Variants in CELF2 observed in about 807,000 individuals in gnomAD.
CELF2 encodes the protein CUG triplet repeat RNA-binding protein 2.
CELF2 carries 8 observed loss-of-function variants against 62.6 expected under a neutral mutation model. That is an observed-to-expected ratio of 0.13 (90% CI 0.07 to 0.23). CELF2 has a LOEUF of 0.23. Among genes scored for constraint, CELF2 ranks in the 10% least tolerant of loss-of-function variants. The pLI is 1.00. For missense variants in CELF2, 333 were observed against 671.0 expected, an observed-to-expected ratio of 0.50 and a Z score of 5.56; for synonymous variants, 258 against 250.0, an observed-to-expected ratio of 1.03 and a Z score of -0.30.
chr10:11,208,003 G>C (rs912738971), intron 2 of CELF2, among the ~76,000 whole-genome samples: 4 of 152,162 alleles, frequency 2.6e-5, no homozygotes, highest in Non-Finnish European at 5.9e-5. Flanking sequence ...AGATCTTTCA[G>C]AGTGAGGTGG....
chr10:10,687,444 C>A, the CELF2 span, among the ~76,000 whole-genome samples: 1,074 of 152,218 alleles, frequency 7.1e-3, 4 homozygotes, highest in Non-Finnish European at 8.3e-3. Flanking sequence ...AACCAAAAGT[C>A]ATTGTAAATT....
At chr10:10,670,616 G>A in the CELF2 span, among the ~76,000 whole-genome samples, 1 of 152,108 alleles carries the variant, frequency 6.6e-6, no homozygotes, top group Non-Finnish European at 1.5e-5. Flanking sequence ...ACCAGAGTTT[G>A]TAGTTTACAT....
chr10:11,078,452 G>A (rs917136531), intron 1 of CELF2, among the ~76,000 whole-genome samples: 22 of 152,106 alleles, frequency 1.4e-4, no homozygotes, highest in African/African-American at 4.3e-4. Flanking sequence ...GTCCCAAGTC[G>A]AAATAGTCCC....
the CELF2 span, among the ~76,000 whole-genome samples, chr10:10,652,040 G>T: frequency 9.3e-5 from 14 of 150,002 alleles, no homozygotes; most frequent in South Asian, 2.0e-3. Context: ...AGCTGATGGA[G>T]CTGAAAACTA....
intron 1 of CELF2, among the ~76,000 whole-genome samples, chr10:11,037,670 G>T (rs1172767757): frequency 2.0e-5 from 3 of 152,176 alleles, no homozygotes; most frequent in African/African-American, 7.2e-5. Context: ...TAAAAGAACG[G>T]TGAGAGTTGT....
At chr10:10,985,080 G>A (rs1030420215) in intron 2 of CELF2, among the ~76,000 whole-genome samples, 8 of 152,070 alleles carry the variant, frequency 5.3e-5, no homozygotes, top group Non-Finnish European at 8.8e-5. Flanking sequence ...CATTTTGGCT[G>A]GGAATTAGGA....
chr10:10,540,238 G>A, the CELF2 span, among the ~76,000 whole-genome samples: 1 of 152,146 alleles, frequency 6.6e-6, no homozygotes, highest in Non-Finnish European at 1.5e-5. Context: ...ATGTCAGCAC[G>A]CAGCATCAGC....
chr10:10,703,852 C>T, the CELF2 span, among the ~76,000 whole-genome samples: 2 of 152,136 alleles, frequency 1.3e-5, no homozygotes, highest in South Asian at 2.1e-4. Context: ...CCTTGTTTCT[C>T]GAAGGTACGA....
intron 1 of CELF2, among the ~76,000 whole-genome samples, chr10:10,897,181 G>A (rs986052162): frequency 2.0e-5 from 3 of 152,186 alleles, no homozygotes; most frequent in African/African-American, 7.2e-5. Flanking sequence ...TATCATTTTA[G>A]AGAATACCTA....
At chr10:10,910,014 C>T (rs1305457129) in intron 1 of CELF2, among the ~76,000 whole-genome samples, 9 of 152,174 alleles carry the variant, frequency 5.9e-5, no homozygotes, top group African/African-American at 2.2e-4. Flanking sequence ...ATTAGTCAAA[C>T]ATCACAATGC....
intron 1 of CELF2, among the ~76,000 whole-genome samples, chr10:10,824,026 TAAGAG>T (rs2057187295): frequency 1.3e-5 from 2 of 151,940 alleles, no homozygotes; most frequent in Admixed American, 6.6e-5. Context: ...AGATGATAGA[TAAGAG>T]AGAGAGAGAG....
chr10:11,276,069 G>A (rs2765982), intron 8 of CELF2, among the ~76,000 whole-genome samples: 2 of 152,102 alleles, frequency 1.3e-5, no homozygotes, highest in Admixed American at 6.5e-5. Flanking sequence ...GCGTTTTTTC[G>A]TTGTCATCAT....
At chr10:11,196,470 C>T (rs1046442344) in intron 2 of CELF2, among the ~76,000 whole-genome samples, 1 of 150,634 alleles carries the variant, frequency 6.6e-6, no homozygotes, top group Non-Finnish European at 1.5e-5. Context: ...GCAAGACCAG[C>T]CTGGGCAATA....
chr10:10,810,086 T>C (rs1422026679), intron 1 of CELF2, among the ~76,000 whole-genome samples: 4 of 152,248 alleles, frequency 2.6e-5, no homozygotes, highest in African/African-American at 9.6e-5. Context: ...TAAAGGATTT[T>C]GTAAATTAAT....
the CELF2 span, among the ~76,000 whole-genome samples, chr10:10,556,625 T>C: frequency 2.0e-5 from 3 of 152,104 alleles, no homozygotes; most frequent in Non-Finnish European, 4.4e-5. Context: ...TCCACAATGG[T>C]TGAACTAGTT....
the CELF2 span, among the ~76,000 whole-genome samples, chr10:10,501,207 T>C: frequency 6.6e-6 from 1 of 152,236 alleles, no homozygotes; most frequent in African/African-American, 2.4e-5. Context: ...GGCTGTACCA[T>C]TTTGCATTTC....
Position 11,094,546 on chromosome 10 carries a change from C to T in CELF2, c.75-70940C>T, listed in dbSNP as rs1408240171. On this transcript the variant is annotated intron_variant, in intron 1 of 12. Transcript: ENST00000633077. The stretch of plus-strand genomic sequence containing the variant: ...CTGAAGTGGTCGACAATAAGGCTTC[C>T]ATAGCAACCAGCTTTTTCCTGACAA... 2.6e-5 allele frequency among the ~76,000 whole-genome samples: 4 copies of T among 152,150 alleles called. No individual in the cohort carries two copies. In the East Asian group the frequency reaches 5.8e-4, roughly 22 times the overall value.
At chr10:10,876,771 G>A (rs140013425) in intron 1 of CELF2, among the ~76,000 whole-genome samples, 7 of 152,286 alleles carry the variant, frequency 4.6e-5, no homozygotes, top group South Asian at 2.1e-4. Context: ...AACCAAGAAA[G>A]CATCATCATG....
the CELF2 span, among the ~76,000 whole-genome samples, chr10:10,736,396 C>CTTTCTTTCTTTCTTTTTTTT: frequency 1.3e-5 from 1 of 76,016 alleles, no homozygotes; most frequent in African/African-American, 5.0e-5. Flanking sequence ...TTCTTTCTTT[C>CTTTCTTTCTTTCTTTTTTTT]TTTTTTTTTT....
Sources: allele counts gnomAD v4.1 joint callset (sites outside exome capture counted in the v4.1 genomes callset), GRCh38; gene constraint gnomAD v4.1.1; transcripts MANE v1.5; gene names NCBI Gene and HGNC (gene_info 2026-07-23, HGNC 2026-07-21).